The following CD93 variants were observed in gnomAD, a reference collection of about 807,000 sequenced individuals.
The protein encoded by CD93 is complement component C1q receptor.
CD93 carries 44 observed loss-of-function variants against 45.5 expected under a neutral mutation model. That is an observed-to-expected ratio of 0.97 (90% CI 0.76 to 1.24). The LOEUF is 1.24. CD93 is among the 50% of genes most tolerant of loss of function. CD93 has a pLI of 0.00. For missense variants in CD93, 918 were observed against 844.5 expected, an observed-to-expected ratio of 1.09 and a Z score of -1.08; for synonymous variants, 431 against 370.8, an observed-to-expected ratio of 1.16 and a Z score of -1.87.
chr20:23,084,413 G>A lies in CD93; in HGVS notation c.1780C>T (p.Leu594=), dbSNP rs373141807. 3.1e-4 allele frequency: 496 copies of A among 1,614,234 alleles called. 10 individuals carry two copies. The South Asian group carries it at 4.4e-3, about 14-fold the overall frequency. Residue 594 remains leucine (L), a synonymous_variant, in exon 1 of 2, where the codon CTA becomes TTA. Transcript: ENST00000246006. ...CCCAGAGCCAGGGCCAGCAGGAGTA[G>A]GATGGCCACCACGGTGCCTAGGATG... ...FYILGTVVAI[L]LLLALALGLL...
In CD93 at chr20:23,082,705, G is replaced by A. The variant is rs1350968593; in HGVS notation, c.*1245C>T. On this transcript the variant is annotated 3_prime_UTR_variant, in exon 2 of 2. Transcript: ENST00000246006. ...AGTTTTTGCTGTAAAAATGATTTTA[G>A]TTAGTCATCTCTTTCCCTCTTCCTT... The A allele has an allele frequency of 6.6e-6, 1 of 152,116 alleles. No homozygotes were observed. The highest frequency in any genetic ancestry group is 1.5e-5 in the Non-Finnish European group (1 of 68,020). The allele number at this position is 152,116 out of a possible 1,614,324, so 9.4% of individuals were successfully genotyped here.
At chr20:23,084,110 T>G in intron 1 of CD93, 136 bp from the exon 2 acceptor site, 1 of 1,408,892 alleles carries the variant, frequency 7.1e-7, no homozygotes, top group Non-Finnish European at 1.0e-6. Context: ...GTGCCTGGCG[T>G]GGGGGGAGGT....
Position 23,083,698 on chromosome 20 carries a change from G to C in CD93, c.*252C>G, listed in dbSNP as rs1016929249. The C allele has an allele frequency of 1.8e-6, 1 of 566,686 alleles. No individual in the cohort carries two copies. Among genetic ancestry groups the C allele is most frequent in the African/African-American group, 1.9e-5 (1 of 53,226 alleles). 35.1% of individuals were successfully genotyped at this position (566,686 alleles called of 1,614,324 possible). On this transcript the variant is annotated 3_prime_UTR_variant, in exon 2 of 2. Coordinates refer to ENST00000246006, the MANE Select transcript of CD93 (RefSeq NM_012072.4). The stretch of plus-strand genomic sequence containing the variant: ...ACATTGGAATTTGAAAAGGGAGGGG[G>C]AGTAACAATCATTATAGAGTCACGA...
chr20:23,085,205 A>G lies in CD93; in HGVS notation c.988T>C (p.Cys330Arg), dbSNP rs1406830547. Residue 330 changes from cysteine (C) to arginine (R), a missense_variant, in exon 1 of 2, where the codon TGC becomes CGC. Physicochemically the swap from Cys to Arg is radical, Grantham distance 180. Transcript: ENST00000246006. The part of the protein sequence containing the change: ...GPHGKNYTCR[C>R]PQGYQLDSSQ... ...GAGTCCAGCTGGTACCCTTGGGGGC[A>G]GCGGCACGTGTAGTTTTTCCCATGG... is the stretch of plus-strand genomic sequence containing the variant. The G allele has an allele frequency of 6.3e-7, 1 of 1,597,530 alleles. No homozygotes were observed. Among genetic ancestry groups the G allele is most frequent in the South Asian group, 1.1e-5 (1 of 87,874 alleles).
chr20:23,084,031 C>A (rs917687325), intron 1 of CD93, 57 bp from the exon 2 acceptor site: 19 of 1,604,480 alleles, frequency 1.2e-5, no homozygotes, highest in Non-Finnish European at 1.5e-5. Flanking sequence ...GCCTGCACGT[C>A]CCCACCTTGG....
At position 23,086,058 on chromosome 20, in the gene CD93, G is replaced by T; in HGVS notation, c.135C>A (p.Ser45Arg). The T allele has an allele frequency of 1.2e-6, 2 of 1,605,480 alleles. No individual in the cohort carries two copies. The highest frequency in any genetic ancestry group is 1.7e-6 in the Non-Finnish European group (2 of 1,179,284). The change falls in exon 1 of 2, where the codon AGC (serine) becomes AGA (arginine). Residue 45 changes from serine to arginine, a missense_variant. Coordinates refer to ENST00000246006, the MANE Select transcript of CD93 (RefSeq NM_012072.4). The part of the protein sequence containing the change: ...ACYTAHSGKL[S>R]AAEAQNHCNQ... Reference sequence around the variant, plus strand: ...TGCAGTGGTTCTGGGCCTCGGCAGCGCTCAGCTTGCCCGAGTGGGCCGTGT... The same window carrying T: ...TGCAGTGGTTCTGGGCCTCGGCAGCTCTCAGCTTGCCCGAGTGGGCCGTGT...
chr20:23,085,983 C>A lies in CD93; in HGVS notation c.210G>T (p.Gln70His), dbSNP rs1206684527. 1 of 1,610,824 alleles carries A rather than the reference C, an allele frequency of 6.2e-7. No homozygotes were observed. Among genetic ancestry groups the A allele is most frequent in the African/African-American group, 1.3e-5 (1 of 74,876 alleles). ...LATVKSKEEA[Q>H]HVQRVLAQLL... ...GCTGGGCCAGTACTCGCTGGACGTG[C>A]TGGGCCTCCTCCTTGCTCTTCACAG... The change falls in exon 1 of 2, where the codon CAG (glutamine) becomes CAT (histidine). Residue 70 changes from glutamine (Q) to histidine (H), a missense_variant. Coordinates refer to ENST00000246006, the MANE Select transcript of CD93 (RefSeq NM_012072.4).
At position 23,085,983 on chromosome 20, in the gene CD93, C is replaced by T; in HGVS notation, c.210G>A (p.Gln70=). The T allele has an allele frequency of 6.2e-7, 1 of 1,610,942 alleles. No individual in the cohort carries two copies. Among genetic ancestry groups the T allele is most frequent in the Admixed American group, 1.7e-5 (1 of 59,822 alleles). ...LATVKSKEEA[Q]HVQRVLAQLL... ...GCTGGGCCAGTACTCGCTGGACGTGCTGGGCCTCCTCCTTGCTCTTCACAG... is the reference window on the plus strand; with the variant it reads ...GCTGGGCCAGTACTCGCTGGACGTGTTGGGCCTCCTCCTTGCTCTTCACAG... Residue 70 remains glutamine, a synonymous_variant, in exon 1 of 2, where the codon CAG becomes CAA. Coordinates refer to ENST00000246006, the MANE Select transcript of CD93 (RefSeq NM_012072.4).
Position 23,083,245 on chromosome 20 carries a change from T to G in CD93, c.*705A>C, listed in dbSNP as rs1480553651. 1.3e-5 allele frequency: 2 copies of G among 152,380 alleles called. No individual in the cohort carries two copies. Among genetic ancestry groups the G allele is most frequent in the Non-Finnish European group, 2.9e-5 (2 of 68,134 alleles). The allele number at this position is 152,380 out of a possible 1,614,324, so 9.4% of individuals were successfully genotyped here. A position where few individuals can be genotyped will look rare whatever the true frequency, so the allele number is the denominator to read the frequency against. ...GACTTCACAAACACCTGTAATGCACTTCAAGCAACTTTTCTCATATTTTTC... is the reference window on the plus strand; with the variant it reads ...GACTTCACAAACACCTGTAATGCACGTCAAGCAACTTTTCTCATATTTTTC... On this transcript the variant is annotated 3_prime_UTR_variant, in exon 2 of 2. Transcript: ENST00000246006.
In CD93 at chr20:23,083,938, G is replaced by A. The variant is rs754901610; in HGVS notation, c.*12C>T. 12 of 1,613,584 alleles carry A rather than the reference G, an allele frequency of 7.4e-6. No homozygotes were observed. The highest frequency in any genetic ancestry group is 1.3e-5 in the African/African-American group (1 of 74,922). ...GGCTGGTGACTCTAGTGTCTCTAGG[G>A]CCACCTCACTTTCAGCAGTCTGTCC... On this transcript the variant is annotated 3_prime_UTR_variant, in exon 2 of 2. Transcript: ENST00000246006.
rs370813994 is a variant in CD93, at chr20:23,079,844, C to T, written c.*4106G>A. ...ACCTAAAATAGAAGGGCATTATCTA[C>T]AAGAACAGACCAAAACACAATTTAT... On this transcript the variant is annotated 3_prime_UTR_variant, in exon 2 of 2. Transcript: ENST00000246006. 1.5e-4 allele frequency: 23 copies of T among 151,708 alleles called. 1 individual carries two copies. In the East Asian group the frequency reaches 2.9e-3, roughly 19 times the overall value. The allele number at this position is 151,708 out of a possible 1,614,324, so 9.4% of individuals were successfully genotyped here.
Position 23,084,370 on chromosome 20 carries a change from T to C in CD93, c.1823A>G (p.Lys608Arg). The change falls in exon 1 of 2, where the codon AAG (lysine) becomes AGG (arginine). Residue 608 changes from lysine to arginine, a missense_variant. By Grantham distance (26) the Lys-to-Arg change is conservative (BLOSUM62 2). Coordinates refer to ENST00000246006, the MANE Select transcript of CD93 (RefSeq NM_012072.4). ...ALALGLLVYR[K>R]RRAKREEKKE... The stretch of plus-strand genomic sequence containing the variant: ...CTTCTCCTCCCTCTTCGCTCTCCGC[T>C]TGCGATAGACCAGTAGCCCCAGAGC... The C allele has an allele frequency of 6.2e-7, 1 of 1,614,238 alleles. No individual in the cohort carries two copies.
rs773643005 is a variant in CD93, at chr20:23,085,263, T to C, written c.930A>G (p.Pro310=). 6.2e-7 allele frequency: 1 copy of C among 1,613,512 alleles called. No homozygotes were observed. Among genetic ancestry groups the C allele is most frequent in the Non-Finnish European group, 8.5e-7 (1 of 1,179,816 alleles). ...CASRNPCSSS[P]CRGGATCVLG... ...GGACGCACGTGGCCCCCCCACGACA[T>C]GGGCTGGAGCTGCAAGGGTTTCGAG... Residue 310 remains proline (P), a synonymous_variant, in exon 1 of 2, where the codon CCA becomes CCG. Coordinates refer to ENST00000246006, the MANE Select transcript of CD93 (RefSeq NM_012072.4).
rs770305639 is a variant in CD93 at position 23,085,492 on chromosome 20, T to G, written c.701A>C (p.Gln234Pro). 6.2e-7 allele frequency: 1 copy of G among 1,613,858 alleles called. No individual in the cohort carries two copies. The highest frequency in any genetic ancestry group is 2.2e-5 in the East Asian group (1 of 44,856). The change falls in exon 1 of 2, where the codon CAG becomes CCG. Residue 234 changes from glutamine (Q) to proline (P), a missense_variant. Coordinates refer to ENST00000246006, the MANE Select transcript of CD93 (RefSeq NM_012072.4). ...ACGEGDKDET[Q>P]SHYFLCKEKA... ...CTCCTTGCACAGGAAATAATGACTCTGAGTCTCGTCCTTGTCACCTTCCCC... is the reference window on the plus strand; with the variant it reads ...CTCCTTGCACAGGAAATAATGACTCGGAGTCTCGTCCTTGTCACCTTCCCC...
rs1985269991 is a variant in CD93 at position 23,079,524 on chromosome 20, A to T, written c.*4426T>A. 2 of 152,244 alleles carry T rather than the reference A, an allele frequency of 1.3e-5. No individual in the cohort carries two copies. Among genetic ancestry groups the T allele is most frequent in the Non-Finnish European group, 2.9e-5 (2 of 68,042 alleles). The allele number at this position is 152,244 out of a possible 1,614,324, so 9.4% of individuals were successfully genotyped here. A position where few individuals can be genotyped will look rare whatever the true frequency, so the allele number is the denominator to read the frequency against. On this transcript the variant is annotated 3_prime_UTR_variant, in exon 2 of 2. Coordinates refer to ENST00000246006, the MANE Select transcript of CD93 (RefSeq NM_012072.4). ...TCACAGTTTGGGAAACATGCACAGG[A>T]TGAAGGTAAATCCTGCATAGAAATC...
At position 23,084,360 on chromosome 20, in the gene CD93, C is replaced by T. The variant is rs903933054; in HGVS notation, c.1833G>A (p.Ala611=). 2.7e-5 allele frequency: 44 copies of T among 1,614,112 alleles called. No individual in the cohort carries two copies. The highest frequency in any genetic ancestry group is 3.4e-5 in the Non-Finnish European group (40 of 1,180,048). The change falls in exon 1 of 2, where the codon GCG becomes GCA. Residue 611 remains alanine (A), a synonymous_variant. Coordinates refer to ENST00000246006, the MANE Select transcript of CD93 (RefSeq NM_012072.4). ...LGLLVYRKRR[A]KREEKKEKKP... is the part of the protein sequence containing the mutation. The stretch of plus-strand genomic sequence containing the variant: ...TCTTCTCCTTCTTCTCCTCCCTCTT[C>T]GCTCTCCGCTTGCGATAGACCAGTA...
chr20:23,082,736 C>G lies in CD93; in HGVS notation c.*1214G>C, dbSNP rs777238855. 2 of 152,286 alleles carry G rather than the reference C, an allele frequency of 1.3e-5. No individual in the cohort carries two copies. The highest frequency in any genetic ancestry group is 2.9e-5 in the Non-Finnish European group (2 of 68,032). The allele number at this position is 152,286 out of a possible 1,614,324, so 9.4% of individuals were successfully genotyped here. On this transcript the variant is annotated 3_prime_UTR_variant, in exon 2 of 2. Coordinates refer to ENST00000246006, the MANE Select transcript of CD93 (RefSeq NM_012072.4). ...CATCTCTTTCCCTCTTCCTTCCCTC[C>G]TTACCCCCAATTTTAAGGAAAAGAG... is the stretch of plus-strand genomic sequence containing the variant.
At position 23,085,311 on chromosome 20, in the gene CD93, C is replaced by T; in HGVS notation, c.882G>A (p.Leu294=). The change falls in exon 1 of 2, where the codon CTG becomes CTA. Residue 294 remains leucine, a synonymous_variant. Transcript: ENST00000246006. ...LCGCRPGFRL[L]DDLVTCASRN... Reference sequence around the variant, plus strand: ...GAGAGGCACAGGTCACCAGGTCATCCAGCAGCCGGAATCCTGGTCGGCAGC... The same window carrying T: ...GAGAGGCACAGGTCACCAGGTCATCTAGCAGCCGGAATCCTGGTCGGCAGC... 6.2e-7 allele frequency: 1 copy of T among 1,613,990 alleles called. No homozygotes were observed. The highest frequency in any genetic ancestry group is 8.5e-7 in the Non-Finnish European group (1 of 1,180,028).
At position 23,085,831 on chromosome 20, in the gene CD93, T is replaced by TTGGGCCCCCCCCCCCC; in HGVS notation, c.361_362insGGGGGGGGGGGGCCCA (p.Glu121GlyfsTer12). 6.7e-7 allele frequency: 1 copy of TTGGGCCCCCCCCCCCC among 1,491,286 alleles called. No individual in the cohort carries two copies. The highest frequency in any genetic ancestry group is 9.1e-7 in the Non-Finnish European group (1 of 1,097,896). 92.4% of individuals were successfully genotyped at this position (1,491,286 alleles called of 1,614,324 possible). On this transcript the variant is annotated frameshift_variant, in exon 1 of 2. Coordinates refer to ENST00000246006, the MANE Select transcript of CD93 (RefSeq NM_012072.4). LOFTEE classifies it high-confidence loss of function. Reference sequence around the variant, plus strand: ...GTGCCAGTTAGAGTAAGGCGTGTCCTCCCCCCCGCCCACCCAGCTGAAGCC... The same window carrying TTGGGCCCCCCCCCCCC: ...GTGCCAGTTAGAGTAAGGCGTGTCCTTGGGCCCCCCCCCCCCCCCCCCCGCCCACCCAGCTGAAGCC...
Sources: allele counts gnomAD v4.1 joint callset, GRCh38; gene constraint gnomAD v4.1.1; transcripts MANE v1.5; gene names NCBI Gene and HGNC (gene_info 2026-07-23, HGNC 2026-07-21).